Variants in P3H2 observed in about 807,000 individuals in gnomAD.
The protein encoded by P3H2 is prolyl 3-hydroxylase 2.
Under a neutral mutation model 87.0 loss-of-function variants are expected in P3H2, and 80 were observed. The observed-to-expected ratio is 0.92, with a 90% confidence interval of 0.77 to 1.11. P3H2 has a LOEUF of 1.11. P3H2 is among the 50% of genes least tolerant of loss of function. The probability of loss-of-function intolerance (pLI) is 0.00; values close to 1 mark genes in which losing one functional copy is unlikely to be tolerated. For synonymous variants in P3H2, 367 were observed against 359.3 expected (o/e 1.02, Z -0.24); for missense variants, 1,001 against 923.9 (o/e 1.08, Z -1.08).
upstream of P3H2, among the ~76,000 whole-genome samples, chr3:190,121,878 G>A (rs968218952): frequency 3.3e-5 from 5 of 152,142 alleles, no homozygotes; most frequent in South Asian, 2.1e-4. Context: ...GATCACCTGA[G>A]GTCAGGAGTT....
intron 1 of P3H2, among the ~76,000 whole-genome samples, chr3:190,086,390 G>C (rs1185561804): frequency 6.6e-6 from 1 of 152,186 alleles, no homozygotes; most frequent in East Asian, 1.9e-4. Context: ...GCTTCTCTGA[G>C]TGTTTCCCGG....
At chr3:190,067,092 G>T (rs954611660) in intron 1 of P3H2, among the ~76,000 whole-genome samples, 3 of 144,998 alleles carry the variant, frequency 2.1e-5, no homozygotes, top group Non-Finnish European at 3.0e-5. Context: ...TAATCCTCCT[G>T]CCTTGGCCTC....
chr3:190,055,174 A>G (rs1425408617), intron 1 of P3H2, among the ~76,000 whole-genome samples: 1 of 152,176 alleles, frequency 6.6e-6, no homozygotes, highest in Non-Finnish European at 1.5e-5. Flanking sequence ...GTTGTCCACA[A>G]ACAACTTTTA....
At chr3:189,966,123 A>AG (rs1171279183) in intron 13 of P3H2, among the ~76,000 whole-genome samples, 3 of 102,192 alleles carry the variant, frequency 2.9e-5, no homozygotes, top group South Asian at 3.7e-4. Flanking sequence ...GAAAGAAAGA[A>AG]AAAGAAAGAA....
At chr3:190,072,439 A>C (rs188494447) in intron 1 of P3H2, among the ~76,000 whole-genome samples, 1 of 152,330 alleles carries the variant, frequency 6.6e-6, no homozygotes, top group East Asian at 1.9e-4. Flanking sequence ...GTTGAATTAG[A>C]GTATTAAGTG....
chr3:190,058,950 G>GC (rs1726252193), intron 1 of P3H2, among the ~76,000 whole-genome samples: 1 of 152,152 alleles, frequency 6.6e-6, no homozygotes, highest in East Asian at 1.9e-4. Context: ...CAGCTTAGTG[G>GC]ATTGGGGAAG....
Position 189,989,006 on chromosome 3 carries a change from C to T in P3H2, c.856G>A (p.Glu286Lys). The T allele has an allele frequency of 6.2e-7, 1 of 1,614,098 alleles. No homozygotes were observed. The highest frequency in any genetic ancestry group is 8.5e-7 in the Non-Finnish European group (1 of 1,180,032). Residue 286 changes from glutamate (E) to lysine (K), a missense_variant, in exon 4 of 15, where the codon GAA becomes AAA. By Grantham distance (56) the Glu-to-Lys change is moderately conservative. Transcript: ENST00000319332. Reference sequence around the variant, plus strand: ...CGGGTGGCAAGTTCCCTCACACATTCATGCTGACAAACAAGCACCTGCATG... The same window carrying T: ...CGGGTGGCAAGTTCCCTCACACATTTATGCTGACAAACAAGCACCTGCATG... ...HYMQVLVCQH[E>K]CVRELATRPG...
intron 13 of P3H2, among the ~76,000 whole-genome samples, chr3:189,966,880 G>A (rs1479733881): frequency 3.3e-5 from 5 of 152,168 alleles, no homozygotes; most frequent in Non-Finnish European, 7.3e-5. Context: ...AAGCGTTTGT[G>A]CTGTAATTGT....
At chr3:190,112,702 C>T (rs750540160) in intron 1 of P3H2, among the ~76,000 whole-genome samples, 10 of 149,848 alleles carry the variant, frequency 6.7e-5, no homozygotes, top group Non-Finnish European at 1.3e-4. Context: ...TAGCTTCTTT[C>T]AACAACAGTC....
intron 1 of P3H2, among the ~76,000 whole-genome samples, chr3:190,041,286 A>G (rs1725626416): frequency 6.8e-6 from 1 of 148,128 alleles, no homozygotes. Context: ...AAAAAAAAAA[A>G]AAAAAAAAAA....
rs528878085 is a variant in P3H2 at position 190,043,859 on chromosome 3, T to C, written c.481-48417A>G. 2.0e-5 allele frequency among the ~76,000 whole-genome samples: 3 copies of C among 152,294 alleles called. No homozygotes were observed. The South Asian group carries it at 6.2e-4, about 32-fold the overall frequency. Reference sequence around the variant, plus strand: ...TTCTCAGGGCAGCAGACTCTGACAATGCACCTCAGGAGCATTTTTCTAGCA... The same window carrying C: ...TTCTCAGGGCAGCAGACTCTGACAACGCACCTCAGGAGCATTTTTCTAGCA... On this transcript the variant is annotated intron_variant, in intron 1 of 14. Coordinates refer to ENST00000319332, the MANE Select transcript of P3H2 (RefSeq NM_018192.4).
At chr3:189,977,942 T>C (rs1723403730) in intron 8 of P3H2, among the ~76,000 whole-genome samples, 1 of 152,180 alleles carries the variant, frequency 6.6e-6, no homozygotes, top group Non-Finnish European at 1.5e-5. Flanking sequence ...CCTAAACGTC[T>C]TAGCATAGAA....
chr3:189,996,637 A>T (rs945416110), intron 1 of P3H2, among the ~76,000 whole-genome samples: 3 of 152,238 alleles, frequency 2.0e-5, no homozygotes, highest in African/African-American at 7.2e-5. Context: ...CATAAATGAT[A>T]AGTGTTTTAG....
intron 1 of P3H2, among the ~76,000 whole-genome samples, chr3:190,081,606 G>A (rs1471912527): frequency 1.3e-5 from 2 of 152,132 alleles, no homozygotes; most frequent in African/African-American, 2.4e-5. Context: ...GAGACAAAGT[G>A]ACTAGTGACA....
chr3:189,987,773 A>T, intron 4 of P3H2, 104 bp from the exon 5 acceptor site: 1 of 1,292,936 alleles, frequency 7.7e-7, no homozygotes, highest in South Asian at 1.2e-5. Context: ...TTAAACATGA[A>T]TAAGAGGGAA....
At chr3:190,008,566 GTGGGTTTACAT>G (rs1213856659) in intron 1 of P3H2, among the ~76,000 whole-genome samples, 2 of 152,172 alleles carry the variant, frequency 1.3e-5, no homozygotes, top group African/African-American at 4.8e-5. Flanking sequence ...TGTATATACT[GTGGGTTTACAT>G]TGGCTCCCTT....
At chr3:190,004,972 C>G (rs1449980467) in intron 1 of P3H2, among the ~76,000 whole-genome samples, 1 of 152,154 alleles carries the variant, frequency 6.6e-6, no homozygotes, top group Non-Finnish European at 1.5e-5. Context: ...TTTCCTCAAA[C>G]TGTATGTCAC....
chr3:189,991,983 T>C (rs1033300448), intron 3 of P3H2, among the ~76,000 whole-genome samples: 4 of 149,158 alleles, frequency 2.7e-5, no homozygotes, highest in Admixed American at 6.8e-5. Context: ...TATTAGGAGA[T>C]AACCTCTATC....
intron 1 of P3H2, among the ~76,000 whole-genome samples, chr3:190,004,463 A>G (rs1189999414): frequency 1.3e-5 from 2 of 152,038 alleles, no homozygotes; most frequent in East Asian, 1.9e-4. Context: ...GCTCACTGCA[A>G]GCTCCGCCTC....
Sources: gnomAD v4.1 joint callset for allele counts (sites outside exome capture counted in the v4.1 genomes callset) on GRCh38, gnomAD v4.1.1 for gene constraint, MANE v1.5 for transcripts, NCBI Gene and HGNC (gene_info 2026-07-23, HGNC 2026-07-21) for gene names.